Variants in AGBL4 observed in about 807,000 individuals in gnomAD.
AGBL4 encodes cytosolic carboxypeptidase 6.
AGBL4 carries 58 observed loss-of-function variants against 66.4 expected under a neutral mutation model. The observed-to-expected ratio is 0.87, with a 90% confidence interval of 0.71 to 1.09. The LOEUF is 1.09. Among genes scored for constraint, AGBL4 ranks in the 50% least tolerant of loss-of-function variants. The pLI, the probability that AGBL4 is intolerant of heterozygous loss-of-function variation, is 0.00. For missense variants in AGBL4, 579 were observed against 631.0 expected (o/e 0.92, Z 0.88); for synonymous variants, 234 against 222.9 (o/e 1.05, Z -0.44).
intron 6 of AGBL4, among the ~76,000 whole-genome samples, chr1:48,777,796 G>GGAGCGC (rs1015241811): frequency 6.6e-6 from 1 of 152,192 alleles, no homozygotes; most frequent in Admixed American, 6.5e-5. Flanking sequence ...AGGGAGTTGA[G>GGAGCGC]GAGCGCTCTG....
chr1:49,418,105 AT>A (rs1461177805), intron 3 of AGBL4, among the ~76,000 whole-genome samples: 2 of 152,150 alleles, frequency 1.3e-5, no homozygotes, highest in Non-Finnish European at 2.9e-5. Context: ...GTCTAGCTAA[AT>A]TCCAGTCTCA....
intron 5 of AGBL4, among the ~76,000 whole-genome samples, chr1:48,944,914 G>A (rs914261968): frequency 6.6e-6 from 1 of 152,176 alleles, no homozygotes; most frequent in African/African-American, 2.4e-5. Flanking sequence ...CCACCATAGG[G>A]GTTTAAGGAA....
intron 3 of AGBL4, among the ~76,000 whole-genome samples, chr1:49,387,617 C>A (rs192637729): frequency 4.6e-5 from 7 of 152,066 alleles, no homozygotes; most frequent in Admixed American, 2.6e-4. Context: ...TCAAAACATT[C>A]AAAAATTCAG....
At chr1:49,597,352 C>G (rs1051328807) in intron 3 of AGBL4, among the ~76,000 whole-genome samples, 65 of 152,188 alleles carry the variant, frequency 4.3e-4, no homozygotes, top group African/African-American at 1.4e-3. Context: ...GATTGCAAGT[C>G]TGCAAAGGAA....
intron 3 of AGBL4, among the ~76,000 whole-genome samples, chr1:49,517,704 A>G (rs1366747143): frequency 1.3e-5 from 2 of 152,036 alleles, no homozygotes; most frequent in African/African-American, 4.8e-5. Context: ...GTTTATCTTT[A>G]AGTACAAAGT....
intron 9 of AGBL4, among the ~76,000 whole-genome samples, chr1:48,611,852 G>A (rs187806019): frequency 6.6e-6 from 1 of 152,318 alleles, no homozygotes; most frequent in African/African-American, 2.4e-5. Context: ...AAGAAAATAA[G>A]ATTTTTAAAG....
intron 3 of AGBL4, among the ~76,000 whole-genome samples, chr1:49,411,274 G>T (rs1471059642): frequency 1.3e-5 from 2 of 152,194 alleles, no homozygotes; most frequent in Non-Finnish European, 2.9e-5. Flanking sequence ...CAGCATGGGA[G>T]AAAAGATGAA....
chr1:48,753,986 T>A (rs1652136172), intron 6 of AGBL4, among the ~76,000 whole-genome samples: 1 of 152,218 alleles, frequency 6.6e-6, no homozygotes, highest in Non-Finnish European at 1.5e-5. Context: ...ATATTTGTGT[T>A]CCCTGTGAGA....
intron 3 of AGBL4, among the ~76,000 whole-genome samples, chr1:49,322,527 T>C (rs1645149729): frequency 6.6e-6 from 1 of 152,260 alleles, no homozygotes; most frequent in African/African-American, 2.4e-5. Context: ...TTAAGGATTC[T>C]GAGATGAAAT....
chr1:48,819,477 G>A (rs1646262447), intron 6 of AGBL4, among the ~76,000 whole-genome samples: 1 of 152,188 alleles, frequency 6.6e-6, no homozygotes, highest in African/African-American at 2.4e-5. Flanking sequence ...AGAGTCATAT[G>A]CCAAGAAGGT....
At chr1:48,843,309 T>C (rs1301174524) in intron 6 of AGBL4, among the ~76,000 whole-genome samples, 1 of 152,184 alleles carries the variant, frequency 6.6e-6, no homozygotes, top group Non-Finnish European at 1.5e-5. Context: ...GAAATTTTCA[T>C]AATGAGGTGA....
chr1:48,707,247 T>G (rs1440667494), intron 6 of AGBL4, among the ~76,000 whole-genome samples: 1 of 152,094 alleles, frequency 6.6e-6, no homozygotes, highest in East Asian at 1.9e-4. Context: ...TGAGCTAAGA[T>G]CATGCCACTG....
At chr1:48,841,766 T>C (rs1269274562) in intron 6 of AGBL4, among the ~76,000 whole-genome samples, 3 of 152,124 alleles carry the variant, frequency 2.0e-5, no homozygotes, top group Admixed American at 6.6e-5. Flanking sequence ...TTTCTGCACA[T>C]TGAATCATGC....
At chr1:49,283,275 C>A (rs540830234) in intron 3 of AGBL4, among the ~76,000 whole-genome samples, 1 of 152,170 alleles carries the variant, frequency 6.6e-6, no homozygotes, top group Non-Finnish European at 1.5e-5. Context: ...ACACCTCACA[C>A]GGCAGGGTAT....
chr1:50,018,063 C>G (rs1662124856), intron 1 of AGBL4, among the ~76,000 whole-genome samples: 1 of 152,034 alleles, frequency 6.6e-6, no homozygotes. Flanking sequence ...TGTCCCTTCC[C>G]CAAGAGATTT....
intron 2 of AGBL4, among the ~76,000 whole-genome samples, chr1:49,712,185 G>A (rs1292879919): frequency 6.6e-6 from 1 of 151,876 alleles, no homozygotes; most frequent in African/African-American, 2.4e-5. Context: ...ATATGATAAG[G>A]ATGGTTAGGA....
chr1:49,194,453 G>A (rs1343074743), intron 4 of AGBL4, among the ~76,000 whole-genome samples: 1 of 152,114 alleles, frequency 6.6e-6, no homozygotes, highest in East Asian at 1.9e-4. Context: ...ATTGGATCAT[G>A]ATTTTATTTC....
At chr1:48,904,376 G>A (rs999573463) in intron 5 of AGBL4, among the ~76,000 whole-genome samples, 1 of 152,156 alleles carries the variant, frequency 6.6e-6, no homozygotes, top group Non-Finnish European at 1.5e-5. Context: ...AACATGCATG[G>A]CCATGGGTTG....
rs536514794 is a variant in AGBL4, at chr1:48,595,310, G to A, written c.952-4325C>T. ...TTTTCAATCCACAGGACCAGAACAC[G>A]GCCTGGTATATAGTAGGTCATCATT... On this transcript the variant is annotated intron_variant, in intron 9 of 13. Coordinates refer to ENST00000371839, the MANE Select transcript of AGBL4 (RefSeq NM_032785.4). Among the ~76,000 whole-genome samples, 7 of 152,210 alleles carry A rather than the reference G, an allele frequency of 4.6e-5. No individual in the cohort carries two copies. The East Asian group carries it at 9.7e-4, about 21-fold the overall frequency.
Sources: gnomAD v4.1 joint callset for allele counts (sites outside exome capture counted in the v4.1 genomes callset) on GRCh38, gnomAD v4.1.1 for gene constraint, MANE v1.5 for transcripts, NCBI Gene and HGNC (gene_info 2026-07-23, HGNC 2026-07-21) for gene names.